The following CCDC158 variants were observed in gnomAD, a reference collection of about 807,000 sequenced individuals.
CCDC158 encodes the protein coiled-coil domain containing 158, also known as coiled-coil domain-containing protein 158.
CCDC158 carries 116 observed loss-of-function variants against 138.6 expected under a neutral mutation model. The observed-to-expected ratio is 0.84, with a 90% confidence interval of 0.72 to 0.98. CCDC158 has a LOEUF of 0.98. CCDC158 is among the 50% of genes least tolerant of loss of function. The pLI is 0.00. For synonymous variants in CCDC158, 436 were observed against 442.4 expected (o/e 0.99, Z 0.18); for missense variants, 1,265 against 1,306.1 (o/e 0.97, Z 0.48).
chr4:76,362,132 G>C lies in CCDC158; in HGVS notation c.2014C>G (p.Leu672Val), dbSNP rs535128678. ...TTGTGCTGAAGCAACATACCTGAAA[G>C]ATTGTTTAATTCACTCCTACTTGTT... is the stretch of plus-strand genomic sequence containing the variant. ...VKTSRSELNN[L>V]SEEYEVLKRN... The change falls in exon 13 of 25, where the codon CTT becomes GTT. Residue 672 changes from leucine to valine, a missense_variant. Leu to Val is a conservative substitution (Grantham distance 32, BLOSUM62 1). Transcript: ENST00000682701. The C allele has an allele frequency of 6.2e-7, 1 of 1,612,958 alleles. No homozygotes were observed. The highest frequency in any genetic ancestry group is 2.2e-5 in the East Asian group (1 of 44,866).
intron 2 of CCDC158, among the ~76,000 whole-genome samples, chr4:76,405,749 T>C (rs1728769378): frequency 6.6e-6 from 1 of 152,048 alleles, no homozygotes; most frequent in East Asian, 1.9e-4. Flanking sequence ...GGACACCACT[T>C]AAAACTGAGA....
chr4:76,367,890 A>G lies in CCDC158; in HGVS notation c.1348-114T>C, dbSNP rs1168172221. ...ATCATGAATTAGGCAATGTTTAGTA[A>G]GATCTTTTTTTTTTTTTTTAAGAGA... On this transcript the variant is annotated intron_variant, in intron 11 of 24. Coordinates refer to ENST00000682701, the MANE Select transcript of CCDC158 (RefSeq NM_001394954.1). 3 of 995,290 alleles carry G rather than the reference A, an allele frequency of 3.0e-6. No homozygotes were observed. In the African/African-American group the frequency reaches 6.1e-5, roughly 20 times the overall value. 61.7% of individuals were successfully genotyped at this position (995,290 alleles called of 1,614,324 possible). A position where few individuals can be genotyped will look rare whatever the true frequency, so the allele number is the denominator to read the frequency against.
At chr4:76,344,603 A>G (rs1722366922) in intron 18 of CCDC158, 1 of 1,362,958 alleles carries the variant, frequency 7.3e-7, no homozygotes, top group Admixed American at 1.7e-5. Context: ...AGGTTGACAT[A>G]CCTGATGTGC....
intron 13 of CCDC158, among the ~76,000 whole-genome samples, chr4:76,357,866 G>T (rs1258846990): frequency 6.6e-6 from 1 of 152,050 alleles, no homozygotes; most frequent in Non-Finnish European, 1.5e-5. Flanking sequence ...TCTGCTGGTA[G>T]ATGAATCTCC....
intron 24 of CCDC158, among the ~76,000 whole-genome samples, chr4:76,318,515 A>AATT (rs1316151449): frequency 1.1e-4 from 17 of 152,156 alleles, no homozygotes; most frequent in African/African-American, 4.1e-4. Context: ...TTGAAACAGT[A>AATT]ATTAAAAAAA....
chr4:76,370,341 A>G (rs530262484), intron 10 of CCDC158, among the ~76,000 whole-genome samples: 58 of 152,306 alleles, frequency 3.8e-4, no homozygotes, highest in African/African-American at 1.4e-3. Flanking sequence ...AGAGATTAGG[A>G]AGAAGGGACA....
At chr4:76,335,770 G>A (rs537655061) in intron 18 of CCDC158, among the ~76,000 whole-genome samples, 2 of 152,048 alleles carry the variant, frequency 1.3e-5, no homozygotes, top group South Asian at 4.2e-4. Flanking sequence ...ATGGAGTTTT[G>A]CCATGTTGCC....
intron 23 of CCDC158, 57 bp downstream of exon 23, chr4:76,325,800 C>T (rs1452791240): frequency 4.2e-6 from 6 of 1,445,206 alleles, no homozygotes; most frequent in Non-Finnish European, 5.7e-6. Context: ...AAAGAACTTA[C>T]AGTTCAGCAG....
intron 7 of CCDC158, among the ~76,000 whole-genome samples, chr4:76,383,315 G>C (rs1470562287): frequency 6.6e-6 from 1 of 152,114 alleles, no homozygotes; most frequent in East Asian, 1.9e-4. Flanking sequence ...CATTTAGCAA[G>C]AATCCCCCTA....
chr4:76,352,614 AT>A (rs1323757344), intron 16 of CCDC158: 1 of 152,150 alleles, frequency 6.6e-6, no homozygotes, highest in African/African-American at 2.4e-5. Flanking sequence ...AGGAAGGGAG[AT>A]TTATTTCTCT....
At chr4:76,321,020 AG>A (rs1719944646) in intron 24 of CCDC158, among the ~76,000 whole-genome samples, 1 of 152,210 alleles carries the variant, frequency 6.6e-6, no homozygotes, top group African/African-American at 2.4e-5. Flanking sequence ...CATCTGACAA[AG>A]GACTAATATC....
intron 1 of CCDC158, among the ~76,000 whole-genome samples, chr4:76,415,326 G>A (rs908257115): frequency 7.2e-5 from 11 of 152,064 alleles, no homozygotes; most frequent in African/African-American, 2.7e-4. Flanking sequence ...AAGCCATTCA[G>A]TTTTATAAGG....
rs1725059973 is a variant in CCDC158, at chr4:76,369,732, G to T, written c.1150-109C>A. ...TTTTTATGTGATTTCAGACACCTTT[G>T]ATTTTGGAATCTGATTCCTTTTTAA... On this transcript the variant is annotated intron_variant, in intron 10 of 24. Coordinates refer to ENST00000682701, the MANE Select transcript of CCDC158 (RefSeq NM_001394954.1). 9 of 903,742 alleles carry T rather than the reference G, an allele frequency of 1.0e-5. 1 individual carries two copies. In the South Asian group the frequency reaches 1.4e-4, roughly 14 times the overall value. 56.0% of individuals were successfully genotyped at this position (903,742 alleles called of 1,614,324 possible). A position where few individuals can be genotyped will look rare whatever the true frequency, so the allele number is the denominator to read the frequency against.
chr4:76,362,871 G>A (rs1699054134), intron 12 of CCDC158, among the ~76,000 whole-genome samples: 1 of 152,212 alleles, frequency 6.6e-6, no homozygotes, highest in African/African-American at 2.4e-5. Flanking sequence ...TGTCAGGTAA[G>A]AGAAGTGGCA....
chr4:76,323,436 A>G, intron 23 of CCDC158, 27 bp from the exon 24 acceptor site: 2 of 1,509,414 alleles, frequency 1.3e-6, no homozygotes, highest in Non-Finnish European at 1.8e-6. Flanking sequence ...TAGATGTGAT[A>G]TTAAAAGTCT....
At chr4:76,326,518 G>C (rs1322469239) in intron 22 of CCDC158, among the ~76,000 whole-genome samples, 1 of 152,116 alleles carries the variant, frequency 6.6e-6, no homozygotes, top group Non-Finnish European at 1.5e-5. Context: ...ATAGATTCAA[G>C]CAGCATTACT....
At chr4:76,397,266 A>G (rs1727906531) in intron 3 of CCDC158, among the ~76,000 whole-genome samples, 1 of 152,098 alleles carries the variant, frequency 6.6e-6, no homozygotes, top group African/African-American at 2.4e-5. Context: ...GCAGTTATCT[A>G]TGGGGTATAG....
At chr4:76,421,685 C>G (rs1461134615), upstream of CCDC158, 3 of 151,114 alleles carry the variant, frequency 2.0e-5, no homozygotes, top group Non-Finnish European at 3.0e-5. Context: ...TCACCCCCCC[C>G]TCCCATTCCC....
chr4:76,351,614 A>T, intron 17 of CCDC158, 106 bp downstream of exon 17: 1 of 671,942 alleles, frequency 1.5e-6, no homozygotes, highest in Non-Finnish European at 2.7e-6. Flanking sequence ...GTATCAAGTA[A>T]TGTTGAAATA....
Sources: allele counts gnomAD v4.1 joint callset (sites outside exome capture counted in the v4.1 genomes callset), GRCh38; gene constraint gnomAD v4.1.1; transcripts MANE v1.5; gene names NCBI Gene and HGNC (gene_info 2026-07-23, HGNC 2026-07-21).